Variants in PLXNA3 observed in about 807,000 individuals in gnomAD.
PLXNA3 encodes the protein plexin A3, also known as plexin-A3.
In PLXNA3, 52 loss-of-function variants were observed where a neutral mutation model predicts 118.8. The observed-to-expected ratio is 0.44, with a 90% CI of 0.35 to 0.55. The LOEUF is 0.55. PLXNA3 is among the 20% of genes least tolerant of loss of function. The pLI, the probability that PLXNA3 is intolerant of heterozygous loss-of-function variation, is 0.01. For synonymous variants in PLXNA3, 925 were observed against 762.4 expected, an observed-to-expected ratio of 1.21 and a Z score of -3.51; for missense variants, 1,660 against 1,730.8, an observed-to-expected ratio of 0.96 and a Z score of 0.73.
rs782540183 is a variant in PLXNA3, at chrX:154,461,588, A to C, written c.1084A>C (p.Thr362Pro). 1.2e-5 allele frequency: 14 copies of C among 1,203,998 alleles called. No homozygotes were observed. The highest frequency in any genetic ancestry group is 7.0e-5 in the South Asian group (4 of 56,765). Residue 362 changes from threonine to proline, a missense_variant, in exon 3 of 33, where the codon ACT (threonine) becomes CCT (proline). Transcript: ENST00000369682. ...RIQSCYRGEG[T>P]LALPWLLNKE... is the part of the protein sequence containing the mutation. ...CCAGTCCTGCTATCGTGGGGAGGGC[A>C]CTCTGGCTCTGCCCTGGCTGCTGAA...
At position 154,472,719 on chromosome X, in the gene PLXNA3, T is replaced by A; in HGVS notation, c.*34T>A. The A allele has an allele frequency of 1.0e-6, 1 of 987,888 alleles. No homozygotes were observed. Among genetic ancestry groups the A allele is most frequent in the Non-Finnish European group, 1.4e-6 (1 of 692,848 alleles). The allele number at this position is 987,888 out of a possible 1,213,427, so 81.4% of individuals were successfully genotyped here. On this transcript the variant is annotated 3_prime_UTR_variant, in exon 33 of 33. Coordinates refer to ENST00000369682, the MANE Select transcript of PLXNA3 (RefSeq NM_017514.5). The stretch of plus-strand genomic sequence containing the variant: ...AATCGGTGAGGAGGGGGCTTCTCAG[T>A]CCTGTGCCGTCCTCCCATCCAGGGG...
At position 154,460,637 on chromosome X, in the gene PLXNA3, G is replaced by A; in HGVS notation, c.454G>A (p.Ala152Thr). ...LSGAQEPDSM[A>T]GVIVEQGQGP... Reference sequence around the variant, plus strand: ...GGGGGCCCAGGAGCCCGACTCCATGGCTGGTGTCATTGTGGAGCAGGGCCA... The same window carrying A: ...GGGGGCCCAGGAGCCCGACTCCATGACTGGTGTCATTGTGGAGCAGGGCCA... Residue 152 changes from alanine (A) to threonine (T), a missense_variant, in exon 2 of 33, where the codon GCT becomes ACT. Ala to Thr is a moderately conservative substitution (Grantham distance 58). Transcript: ENST00000369682. 3.4e-6 allele frequency: 4 copies of A among 1,182,844 alleles called. No individual in the cohort carries two copies. The highest frequency in any genetic ancestry group is 3.5e-5 in the African/African-American group (2 of 57,370).
Position 154,467,956 on chromosome X carries a change from C to T in PLXNA3, c.3775C>T (p.Gln1259Ter). Residue 1259 changes from glutamine to a stop codon, truncating the protein, a stop_gained, in exon 21 of 33, where the codon CAG (glutamine) becomes TAG (stop). Transcript: ENST00000369682. LOFTEE classifies it high-confidence loss of function. ...ADRTLKRLQL[Q>*]MDNLESRVAL... ...CCGTACCCTCAAGCGTCTGCAGCTG[C>T]AGATGGACAACCTGGAGTCCCGTGT... 8.3e-7 allele frequency: 1 copy of T among 1,211,048 alleles called. No individual in the cohort carries two copies. The highest frequency in any genetic ancestry group is 1.1e-6 in the Non-Finnish European group (1 of 895,092).
intron 14 of PLXNA3, 27 bp from the exon 15 acceptor site, chrX:154,466,123 C>T: frequency 8.3e-7 from 1 of 1,209,683 alleles, no homozygotes; most frequent in Non-Finnish European, 1.1e-6. Flanking sequence ...TGTGGCCTGG[C>T]CGGCCCTGAC....
At position 154,470,176 on chromosome X, in the gene PLXNA3, C is replaced by G; in HGVS notation, c.4986+9C>G. The G allele has an allele frequency of 8.3e-7, 1 of 1,203,285 alleles. No homozygotes were observed. The highest frequency in any genetic ancestry group is 3.0e-5 in the East Asian group (1 of 33,759). Reference sequence around the variant, plus strand: ...GGCTGCTGGCCACCAAGGTATGGGCCTGCCTCTCGCCACCTTGGCCTCCGC... The same window carrying G: ...GGCTGCTGGCCACCAAGGTATGGGCGTGCCTCTCGCCACCTTGGCCTCCGC... On this transcript the variant is annotated intron_variant, in intron 29 of 32. Coordinates refer to ENST00000369682, the MANE Select transcript of PLXNA3 (RefSeq NM_017514.5).
Position 154,464,794 on chromosome X carries a change from TGTAAGTACCG to T in PLXNA3, c.1970_1979del (p.Cys657SerfsTer34). ...TGGCAGCCCTTACCCCTGCCACTGGTGTAAGTACCGCCACACGTGTACCAGCCGCCCCCAC... is the reference window on the plus strand; with the variant it reads ...TGGCAGCCCTTACCCCTGCCACTGGTCCACACGTGTACCAGCCGCCCCCAC... On this transcript the variant is annotated frameshift_variant, in exon 10 of 33. Coordinates refer to ENST00000369682, the MANE Select transcript of PLXNA3 (RefSeq NM_017514.5). LOFTEE classifies it high-confidence loss of function. The T allele has an allele frequency of 8.3e-7, 1 of 1,205,005 alleles. No homozygotes were observed. Among genetic ancestry groups the T allele is most frequent in the Non-Finnish European group, 1.1e-6 (1 of 891,877 alleles).
intron 18 of PLXNA3, 33 bp from the exon 19 acceptor site, chrX:154,467,199 C>T: frequency 8.3e-7 from 1 of 1,209,328 alleles, no homozygotes; most frequent in Non-Finnish European, 1.1e-6. Context: ...CCCATGGCTT[C>T]ACGTGCCTGG....
At chrX:154,461,860 G>A (rs183958541) in intron 3 of PLXNA3, among the ~76,000 whole-genome samples, 395 of 111,958 alleles carry the variant, frequency 3.5e-3, no homozygotes, top group Admixed American at 8.6e-3. Flanking sequence ...TTCCCAGCTC[G>A]TTCCTCCTTG....
At chrX:154,462,030 G>C in intron 3 of PLXNA3, 98 bp from the exon 4 acceptor site, 1 of 736,630 alleles carries the variant, frequency 1.4e-6, no homozygotes, top group Non-Finnish European at 2.0e-6. Flanking sequence ...AGGGGACCGG[G>C]TTCTAGATCC....
In PLXNA3 at chrX:154,460,377, C is replaced by T; in HGVS notation, c.194C>T (p.Ala65Val). 1 of 1,209,597 alleles carries T rather than the reference C, an allele frequency of 8.3e-7. No individual in the cohort carries two copies. The highest frequency in any genetic ancestry group is 1.1e-6 in the Non-Finnish European group (1 of 894,330). ...KLAPNLTELR[A>V]HVTGPVEDNA... ...GCCCCCAACCTGACTGAGCTGCGGG[C>T]CCATGTCACGGGGCCCGTCGAGGAC... Residue 65 changes from alanine to valine, a missense_variant, in exon 2 of 33, where the codon GCC (alanine) becomes GTC (valine). Physicochemically the swap from Ala to Val is moderately conservative, Grantham distance 64. Coordinates refer to ENST00000369682, the MANE Select transcript of PLXNA3 (RefSeq NM_017514.5).
At chrX:154,462,043 CTCTCTTCTGGGACA>C in intron 3 of PLXNA3, 71 bp from the exon 4 acceptor site, 1 of 822,601 alleles carries the variant, frequency 1.2e-6, no homozygotes, top group Non-Finnish European at 1.7e-6. Context: ...CTAGATCCCG[CTCTCTTCTGGGACA>C]CAGGAACTGC....
At chrX:154,472,400 G>A (rs2069195257) in intron 32 of PLXNA3, among the ~76,000 whole-genome samples, 190 bp from the exon 33 acceptor site, 1 of 109,791 alleles carries the variant, frequency 9.1e-6, no homozygotes, top group African/African-American at 3.3e-5. Flanking sequence ...TGGAGAGGAG[G>A]AGGAGAAAGT....
chrX:154,469,415 A>G lies in PLXNA3; in HGVS notation c.4631A>G (p.Gln1544Arg), dbSNP rs1569554671. 1.7e-6 allele frequency: 2 copies of G among 1,208,660 alleles called. No homozygotes were observed. The highest frequency in any genetic ancestry group is 2.2e-6 in the Non-Finnish European group (2 of 893,133). ...GGCCGCATGACTCGCATCATCCTCCAGGATGAGGATGTCACCACCAAGATC... is the reference window on the plus strand; with the variant it reads ...GGCCGCATGACTCGCATCATCCTCCGGGATGAGGATGTCACCACCAAGATC... ...RQGRMTRIIL[Q>R]DEDVTTKIEC... is the part of the protein sequence containing the mutation. The change falls in exon 27 of 33, where the codon CAG (glutamine) becomes CGG (arginine). Residue 1544 changes from glutamine (Q) to arginine (R), a missense_variant. By Grantham distance (43) the Gln-to-Arg change is conservative (BLOSUM62 1). Transcript: ENST00000369682.
chrX:154,460,695 T>C lies in PLXNA3; in HGVS notation c.512T>C (p.Val171Ala). The C allele has an allele frequency of 8.7e-7, 1 of 1,149,837 alleles. No homozygotes were observed. Among genetic ancestry groups the C allele is most frequent in the East Asian group, 3.0e-5 (1 of 33,378 alleles). The allele number at this position is 1,149,837 out of a possible 1,213,427, so 94.8% of individuals were successfully genotyped here. A position where few individuals can be genotyped will look rare whatever the true frequency, so the allele number is the denominator to read the frequency against. Residue 171 changes from valine (V) to alanine (A), a missense_variant, in exon 2 of 33, where the codon GTC becomes GCC. This residue lies in a region of PLXNA3 where 791 missense variants were observed against 652.1 expected (regional missense o/e 1.21). Coordinates refer to ENST00000369682, the MANE Select transcript of PLXNA3 (RefSeq NM_017514.5). The part of the protein sequence containing the change: ...GPSKLFVGTA[V>A]DGKSEYFPTL... ...AGCAAGCTGTTTGTGGGCACTGCTG[T>C]CGACGGCAAGTCGGAGTACTTCCCC...
rs782403488 is a variant in PLXNA3, at chrX:154,471,235, G to A, written c.5287G>A (p.Glu1763Lys). 8.3e-6 allele frequency: 10 copies of A among 1,209,668 alleles called. No homozygotes were observed. In the Admixed American group the frequency reaches 1.5e-4, roughly 18 times the overall value. The change falls in exon 31 of 33, where the codon GAG (glutamate) becomes AAG (lysine). Residue 1763 changes from glutamate (E) to lysine (K), a missense_variant. Glu to Lys is a moderately conservative substitution (Grantham distance 56). Transcript: ENST00000369682. ...QTFMDSCSTS[E>K]HRLGKDSPSN... Reference sequence around the variant, plus strand: ...CTTCATGGACTCCTGCTCTACATCCGAGCACCGCCTGGGGAAGGACTCGCC... The same window carrying A: ...CTTCATGGACTCCTGCTCTACATCCAAGCACCGCCTGGGGAAGGACTCGCC...
chrX:154,459,926 G>T (rs1430974486), intron 1 of PLXNA3, among the ~76,000 whole-genome samples: 1 of 113,105 alleles, frequency 8.8e-6, no homozygotes, highest in African/African-American at 3.2e-5. Context: ...TACCCCCTTG[G>T]GTGTGGCCCA....
At chrX:154,471,015 C>T (rs1416724658) in intron 30 of PLXNA3, 90 bp from the exon 31 acceptor site, 12 of 719,362 alleles carry the variant, frequency 1.7e-5, no homozygotes, top group Non-Finnish European at 2.5e-5. Context: ...AAGATGTGAG[C>T]CGGCCCGACA....
chrX:154,466,121 G>T (rs1557206963), intron 14 of PLXNA3, 29 bp from the exon 15 acceptor site: 42 of 1,210,216 alleles, frequency 3.5e-5, no homozygotes, highest in Non-Finnish European at 4.7e-5. Flanking sequence ...TATGTGGCCT[G>T]GCCGGCCCTG....
chrX:154,470,712 C>A (rs111364741), intron 30 of PLXNA3, 101 bp downstream of exon 30: 3 of 829,904 alleles, frequency 3.6e-6, no homozygotes, highest in Non-Finnish European at 5.2e-6. Flanking sequence ...AGCATCCAGG[C>A]AGGAGGGAAT....
Sources: gnomAD v4.1 joint callset for allele counts (sites outside exome capture counted in the v4.1 genomes callset) on GRCh38, gnomAD v4.1.1 for gene constraint, gnomAD v4.1.1 regional missense constraint, MANE v1.5 for transcripts, NCBI Gene and HGNC (gene_info 2026-07-23, HGNC 2026-07-21) for gene names.